Variants in ECPAS observed in about 807,000 individuals in gnomAD.
ECPAS encodes Ecm29 proteasome adaptor and scaffold, also known as proteasome adapter and scaffold protein ECM29.
A neutral mutation model predicts 255.1 loss-of-function variants in ECPAS; 70 were observed. The observed-to-expected ratio is 0.27, with a 90% CI of 0.23 to 0.33. ECPAS has a LOEUF of 0.33. Among genes scored for constraint, ECPAS ranks in the 10% least tolerant of loss-of-function variants. The probability of loss-of-function intolerance (pLI) is 1.00; values close to 1 mark genes in which losing one functional copy is unlikely to be tolerated. For missense variants in ECPAS, 1,817 were observed against 2,206.4 expected, an observed-to-expected ratio of 0.82 and a Z score of 3.54; for synonymous variants, 784 against 775.0, an observed-to-expected ratio of 1.01 and a Z score of -0.19.
chr9:111,391,375 T>C (rs1416255239), intron 29 of ECPAS, among the ~76,000 whole-genome samples: 2 of 151,968 alleles, frequency 1.3e-5, no homozygotes, highest in East Asian at 3.9e-4. Flanking sequence ...GTCAGGAGTT[T>C]GACACCAGCC....
At chr9:111,429,249 G>C (rs1163292768) in intron 9 of ECPAS, among the ~76,000 whole-genome samples, 1 of 151,654 alleles carries the variant, frequency 6.6e-6, no homozygotes, top group Non-Finnish European at 1.5e-5. Flanking sequence ...AAGTAAAGCT[G>C]AGTTTTATTC....
chr9:111,444,857 C>T (rs1026168181), intron 3 of ECPAS, among the ~76,000 whole-genome samples: 3 of 152,036 alleles, frequency 2.0e-5, no homozygotes, highest in African/African-American at 4.8e-5. Context: ...ATTACAGGCG[C>T]GTGCCAGCAT....
Position 111,472,973 on chromosome 9 carries a change from C to G in ECPAS, c.-55G>C. ...GGATCACCAATGGTACGTTCATCCACTCGTACATATGCAATTGTATAAAGA... is the reference window on the plus strand; with the variant it reads ...GGATCACCAATGGTACGTTCATCCAGTCGTACATATGCAATTGTATAAAGA... On this transcript the variant is annotated 5_prime_UTR_variant, in exon 2 of 50. Coordinates refer to ENST00000684092, the MANE Select transcript of ECPAS (RefSeq NM_001364929.1). 1 of 1,195,182 alleles carries G rather than the reference C, an allele frequency of 8.4e-7. No individual in the cohort carries two copies. Among genetic ancestry groups the G allele is most frequent in the Non-Finnish European group, 1.1e-6 (1 of 941,010 alleles). The allele number at this position is 1,195,182 out of a possible 1,614,324, so 74.0% of individuals were successfully genotyped here. A position where few individuals can be genotyped will look rare whatever the true frequency, so the allele number is the denominator to read the frequency against.
chr9:111,459,944 G>A (rs951863609), intron 2 of ECPAS, among the ~76,000 whole-genome samples: 2 of 152,150 alleles, frequency 1.3e-5, no homozygotes, highest in Non-Finnish European at 2.9e-5. Flanking sequence ...TGAATGTTAA[G>A]AGGCCAGAAT....
At position 111,477,285 on chromosome 9, in the gene ECPAS, A is replaced by G. The variant is rs2098297540; in HGVS notation, c.-82-4285T>C. Among the ~76,000 whole-genome samples, 4 of 149,012 alleles carry G rather than the reference A, an allele frequency of 2.7e-5. No individual in the cohort carries two copies. In the South Asian group the frequency reaches 8.5e-4, roughly 32 times the overall value. On this transcript the variant is annotated intron_variant, in intron 1 of 49. Transcript: ENST00000684092. ...CCCAACACCCGGCTAATTTTTTTGT[A>G]TTTTTAGTAGAGACGGGGGTTTCAT... is the stretch of plus-strand genomic sequence containing the variant.
At chr9:111,425,119 G>T (rs1294011766) in intron 12 of ECPAS, among the ~76,000 whole-genome samples, 1 of 151,826 alleles carries the variant, frequency 6.6e-6, no homozygotes, top group African/African-American at 2.4e-5. Flanking sequence ...CCAGGAGCCG[G>T]AGGTTGCAGG....
Position 111,484,296 on chromosome 9 carries a change from G to T in ECPAS, c.-263C>A. 1 of 1,552,846 alleles carries T rather than the reference G, an allele frequency of 6.4e-7. No individual in the cohort carries two copies. The highest frequency in any genetic ancestry group is 8.7e-7 in the Non-Finnish European group (1 of 1,150,990). ...GGGGGAAATCCTCGAGGCGGGGCCG[G>T]AGCGCCCTTTTCCGAGGTCTGCGGC... On this transcript the variant is annotated 5_prime_UTR_variant, in exon 1 of 50. Transcript: ENST00000684092.
At chr9:111,462,388 C>A (rs1001722556) in intron 2 of ECPAS, among the ~76,000 whole-genome samples, 1 of 152,120 alleles carries the variant, frequency 6.6e-6, no homozygotes, top group Non-Finnish European at 1.5e-5. Flanking sequence ...TGTGCACTAT[C>A]ATCACTTCCA....
chr9:111,445,609 G>A (rs1208143327), intron 3 of ECPAS, among the ~76,000 whole-genome samples: 1 of 152,088 alleles, frequency 6.6e-6, no homozygotes. Context: ...TAAAAGCAAG[G>A]TCTGGATTAC....
chr9:111,413,057 A>C (rs573104597), intron 20 of ECPAS, among the ~76,000 whole-genome samples: 11 of 152,292 alleles, frequency 7.2e-5, no homozygotes, highest in African/African-American at 2.6e-4. Flanking sequence ...TGGCCATGGG[A>C]CAGGGACACC....
At chr9:111,411,208 T>A (rs897801800) in intron 21 of ECPAS, 66 bp from the exon 22 acceptor site, 18 of 1,483,684 alleles carry the variant, frequency 1.2e-5, no homozygotes, top group Non-Finnish European at 1.6e-5. Flanking sequence ...TACATGGCAG[T>A]AACTGTGTGT....
At chr9:111,388,531 G>C (rs1270248833) in intron 31 of ECPAS, among the ~76,000 whole-genome samples, 1 of 151,682 alleles carries the variant, frequency 6.6e-6, no homozygotes, top group Non-Finnish European at 1.5e-5. Context: ...GTAAGACATA[G>C]TAAGGATCAT....
rs1199026765 is a variant in ECPAS at position 111,422,119 on chromosome 9, C to A, written c.1332+15G>T. ...ATCCAAACACAAAGCATAAACTTAG[C>A]AGCTGTTTCCCTACCTTGCAAAGGG... On this transcript the variant is annotated intron_variant, in intron 14 of 49. Coordinates refer to ENST00000684092, the MANE Select transcript of ECPAS (RefSeq NM_001364929.1). 2 of 1,613,812 alleles carry A rather than the reference C, an allele frequency of 1.2e-6. No individual in the cohort carries two copies. Among genetic ancestry groups the A allele is most frequent in the Non-Finnish European group, 1.7e-6 (2 of 1,179,776 alleles).
chr9:111,422,632 A>C (rs1232976159), intron 13 of ECPAS, among the ~76,000 whole-genome samples: 1 of 152,122 alleles, frequency 6.6e-6, no homozygotes, highest in Non-Finnish European at 1.5e-5. Flanking sequence ...GAAGAGCAAG[A>C]CCTGGTCTAC....
intron 12 of ECPAS, among the ~76,000 whole-genome samples, chr9:111,423,892 T>C (rs1412516152): frequency 2.0e-5 from 3 of 152,246 alleles, no homozygotes; most frequent in African/African-American, 7.2e-5. Context: ...TTAAAGTTTA[T>C]GTGTTTATCC....
rs1040177967 is a variant in ECPAS at position 111,410,220 on chromosome 9, G to A, written c.2378-7C>T. ...GTACTGTCCAAAAATGAGCCTGTAA[G>A]CACATTTAGCCAAAAAGAGAATTAC... On this transcript the variant is annotated splice_region_variant and splice_polypyrimidine_tract_variant and intron_variant, in intron 22 of 49. Transcript: ENST00000684092. 3.1e-6 allele frequency: 5 copies of A among 1,604,728 alleles called. No individual in the cohort carries two copies. The highest frequency in any genetic ancestry group is 2.7e-5 in the African/African-American group (2 of 74,588).
chr9:111,383,330 G>C lies in ECPAS; in HGVS notation c.3684C>G (p.Val1228=). ...AELALKTLSK[V]CVKMCDPAKG... ...TGGCAGGGTCACACATTTTCACACA[G>C]ACCTCACATACAAAGAGCATGGACG... Residue 1228 remains valine, a splice_region_variant and synonymous_variant, in exon 35 of 50, where the codon GTC becomes GTG. Transcript: ENST00000684092. The C allele has an allele frequency of 6.2e-7, 1 of 1,610,068 alleles. No individual in the cohort carries two copies. Among genetic ancestry groups the C allele is most frequent in the Non-Finnish European group, 8.5e-7 (1 of 1,178,086 alleles).
chr9:111,363,577 C>T lies in ECPAS; in HGVS notation c.5380+11G>A. ...TTTATGGTCCCCCAGTCAGAACTAA[C>T]AACAACTTACCTTCAAGTTTTTTAA... On this transcript the variant is annotated intron_variant, in intron 49 of 49. Transcript: ENST00000684092. The T allele has an allele frequency of 6.5e-7, 1 of 1,543,210 alleles. No individual in the cohort carries two copies.
chr9:111,383,781 G>C (rs1466180600), intron 34 of ECPAS, among the ~76,000 whole-genome samples: 1 of 152,062 alleles, frequency 6.6e-6, no homozygotes, highest in Non-Finnish European at 1.5e-5. Context: ...AATTAGCCAG[G>C]CATGGTGGCA....
Sources: gnomAD v4.1 joint callset for allele counts (sites outside exome capture counted in the v4.1 genomes callset) on GRCh38, gnomAD v4.1.1 for gene constraint, MANE v1.5 for transcripts, NCBI Gene and HGNC (gene_info 2026-07-23, HGNC 2026-07-21) for gene names.